The following GLYATL2 variants were observed in gnomAD, a reference collection of about 807,000 sequenced individuals.
GLYATL2 encodes glycine-N-acyltransferase like 2.
In GLYATL2, 25 loss-of-function variants were observed where a neutral mutation model predicts 21.4. The observed-to-expected ratio is 1.17, with a 90% CI of 0.85 to 1.63. The LOEUF (loss-of-function observed/expected upper bound fraction) is 1.63. Among genes scored for constraint, GLYATL2 ranks in the 40% most tolerant of loss-of-function variants. The pLI, the probability that GLYATL2 is intolerant of heterozygous loss-of-function variation, is 0.00. For missense variants in GLYATL2, 361 were observed against 343.3 expected, an observed-to-expected ratio of 1.05 and a Z score of -0.41; for synonymous variants, 114 against 118.2, an observed-to-expected ratio of 0.96 and a Z score of 0.23.
At chr11:58,868,030 G>T (rs77660053) in intron 1 of GLYATL2, among the ~76,000 whole-genome samples, 1 of 148,706 alleles carries the variant, frequency 6.7e-6, no homozygotes, top group African/African-American at 2.4e-5. Flanking sequence ...GAACTGAAGT[G>T]GTCTAAGAAA....
intron 1 of GLYATL2, among the ~76,000 whole-genome samples, chr11:58,862,154 A>T (rs1310596505): frequency 6.6e-6 from 1 of 152,134 alleles, no homozygotes; most frequent in Non-Finnish European, 1.5e-5. Flanking sequence ...TCAGCCGATA[A>T]GCTTCTGCTC....
Position 58,850,100 on chromosome 11 carries a change from T to C in GLYATL2, n.61-11732A>G, listed in dbSNP as rs569344044. The stretch of plus-strand genomic sequence containing the variant: ...GTCCAATATTTCTGATGAATATTGA[T>C]GCAAAAATCCTCATCAAAATACTAG... On this transcript the variant is annotated intron_variant and non_coding_transcript_variant, in intron 1 of 4. Transcript: ENST00000533636. 3.3e-5 allele frequency among the ~76,000 whole-genome samples: 5 copies of C among 152,306 alleles called. 1 individual carries two copies. Among genetic ancestry groups the C allele is most frequent in the African/African-American group, 1.2e-4 (5 of 41,578 alleles).
At chr11:58,874,563 G>C (rs1420668727) in intron 1 of GLYATL2, among the ~76,000 whole-genome samples, 1 of 152,190 alleles carries the variant, frequency 6.6e-6, no homozygotes, top group African/African-American at 2.4e-5. Context: ...AGTCATTCAG[G>C]AGCAGGTTGT....
intron 1 of GLYATL2, among the ~76,000 whole-genome samples, chr11:58,876,916 T>A (rs1590741198): frequency 6.6e-6 from 1 of 152,280 alleles, no homozygotes; most frequent in Non-Finnish European, 1.5e-5. Context: ...GCAGGCCTCC[T>A]TGAGCTGTGG....
At chr11:58,848,472 C>G (rs964712826), upstream of GLYATL2, among the ~76,000 whole-genome samples, 2 of 152,074 alleles carry the variant, frequency 1.3e-5, no homozygotes, top group Non-Finnish European at 2.9e-5. Context: ...AGAAGAAATG[C>G]AGAATTCTAT....
At chr11:58,852,873 T>C (rs1385770465) in intron 1 of GLYATL2, among the ~76,000 whole-genome samples, 1 of 152,210 alleles carries the variant, frequency 6.6e-6, no homozygotes, top group Non-Finnish European at 1.5e-5. Context: ...TTGCTCTCTG[T>C]TCCCAAGCTG....
chr11:58,866,961 C>T (rs1184762035), intron 1 of GLYATL2, among the ~76,000 whole-genome samples: 1 of 149,038 alleles, frequency 6.7e-6, no homozygotes, highest in South Asian at 2.1e-4. Context: ...TGCTGCATTC[C>T]AGCTTCACAT....
chr11:58,898,908 T>C (rs1854683592), intron 1 of GLYATL2, among the ~76,000 whole-genome samples: 1 of 152,228 alleles, frequency 6.6e-6, no homozygotes, highest in Non-Finnish European at 1.5e-5. Flanking sequence ...TGTGAAGACT[T>C]TCAAAACCAC....
At chr11:58,905,487 A>T, upstream of GLYATL2, 1 of 456,264 alleles carries the variant, frequency 2.2e-6, no homozygotes, top group Non-Finnish European at 4.4e-6. Flanking sequence ...TTCCCCTTGC[A>T]GCTCTCCTCA....
chr11:58,835,109 A>T (rs997218790), intron 5 of GLYATL2, among the ~76,000 whole-genome samples: 1 of 152,174 alleles, frequency 6.6e-6, no homozygotes, highest in Non-Finnish European at 1.5e-5. Context: ...GCCCTAAGGA[A>T]GAAAATGAAC....
At chr11:58,905,176 CA>C (rs1253884386), upstream of GLYATL2, among the ~76,000 whole-genome samples, 9 of 152,378 alleles carry the variant, frequency 5.9e-5, no homozygotes, top group East Asian at 1.7e-3. Context: ...TCCTGGGAAA[CA>C]GGCCTAAGCA....
intron 1 of GLYATL2, among the ~76,000 whole-genome samples, chr11:58,858,073 T>C (rs1853863420): frequency 1.3e-5 from 2 of 152,172 alleles, no homozygotes; most frequent in Admixed American, 1.3e-4. Flanking sequence ...CTGTACAGTA[T>C]AAATTTTAAT....
chr11:58,881,638 G>T (rs1344593135), intron 1 of GLYATL2, among the ~76,000 whole-genome samples: 1 of 152,054 alleles, frequency 6.6e-6, no homozygotes, highest in Non-Finnish European at 1.5e-5. Context: ...TGCACAATGT[G>T]CAGGTTTGTT....
At chr11:58,875,746 G>A (rs1222199392) in intron 1 of GLYATL2, among the ~76,000 whole-genome samples, 1 of 152,068 alleles carries the variant, frequency 6.6e-6, no homozygotes, top group African/African-American at 2.4e-5. Context: ...TTCAACTTTG[G>A]TGAATCTGAG....
intron 1 of GLYATL2, chr11:58,893,216 C>A: frequency 3.3e-6 from 1 of 303,228 alleles, no homozygotes; most frequent in Non-Finnish European, 6.5e-6. Flanking sequence ...TCATGGATAA[C>A]CATGGACTCT....
Position 58,887,411 on chromosome 11 carries a change from A to G in GLYATL2, n.60+16745T>C, listed in dbSNP as rs1305169536. Among the ~76,000 whole-genome samples, 3 of 152,214 alleles carry G rather than the reference A, an allele frequency of 2.0e-5. No individual in the cohort carries two copies. In the East Asian group the frequency reaches 5.8e-4, roughly 29 times the overall value. ...TGCAGGAGAATTTATATAGAAAAAA[A>G]GTAACTTTTTCTTAATTGGTTTTTA... On this transcript the variant is annotated intron_variant and non_coding_transcript_variant, in intron 1 of 4. Coordinates refer to the GLYATL2 transcript ENST00000533636.
At chr11:58,870,624 C>T (rs895455411) in intron 1 of GLYATL2, among the ~76,000 whole-genome samples, 1 of 152,176 alleles carries the variant, frequency 6.6e-6, no homozygotes, top group East Asian at 1.9e-4. Flanking sequence ...TTTACAAATG[C>T]TGGCAGATGA....
chr11:58,847,150 G>A (rs141746211), upstream of GLYATL2, among the ~76,000 whole-genome samples: 215 of 152,072 alleles, frequency 1.4e-3, 1 homozygote, highest in Admixed American at 5.1e-3. Context: ...TCATCACCTG[G>A]TAGAAGATAC....
At chr11:58,872,313 C>T (rs1311310747) in intron 1 of GLYATL2, among the ~76,000 whole-genome samples, 1 of 152,208 alleles carries the variant, frequency 6.6e-6, no homozygotes, top group Non-Finnish European at 1.5e-5. Context: ...TCAATTTTGG[C>T]TTTCGTTGCC....
Sources: gnomAD v4.1 joint callset for allele counts (sites outside exome capture counted in the v4.1 genomes callset) on GRCh38, gnomAD v4.1.1 for gene constraint, MANE v1.5 for transcripts, NCBI Gene and HGNC (gene_info 2026-07-23, HGNC 2026-07-21) for gene names.